RAPGEF4: variants seen among roughly 807,000 people sequenced by gnomAD.
The protein encoded by RAPGEF4 is Rap guanine nucleotide exchange factor 4.
A neutral mutation model predicts 147.9 loss-of-function variants in RAPGEF4; 66 were observed. The ratio of observed to expected loss-of-function variants is 0.45; its 90% confidence interval spans 0.37 to 0.55. The LOEUF (loss-of-function observed/expected upper bound fraction) is 0.55, where lower values mean the gene tolerates loss of function less well. RAPGEF4 is among the 20% of genes least tolerant of loss of function. RAPGEF4 has a pLI of 0.00. For synonymous variants in RAPGEF4, 419 were observed against 442.7 expected, an observed-to-expected ratio of 0.95 and a Z score of 0.67; for missense variants, 1,071 against 1,257.3, an observed-to-expected ratio of 0.85 and a Z score of 2.24.
intron 1 of RAPGEF4, among the ~76,000 whole-genome samples, chr2:172,752,980 A>G (rs1000214382): frequency 6.6e-6 from 1 of 152,320 alleles, no homozygotes; most frequent in East Asian, 1.9e-4. Flanking sequence ...TTAGAATTCA[A>G]CATTTAACAG....
chr2:172,934,573 A>C (rs1329747340), intron 6 of RAPGEF4, among the ~76,000 whole-genome samples: 2 of 152,278 alleles, frequency 1.3e-5, no homozygotes, highest in Middle Eastern at 6.8e-3. Context: ...AGAGCAAACC[A>C]CCTAATGGGG....
intron 4 of RAPGEF4, among the ~76,000 whole-genome samples, chr2:172,911,121 G>A (rs1446573351): frequency 1.3e-5 from 2 of 152,140 alleles, no homozygotes; most frequent in Non-Finnish European, 2.9e-5. Flanking sequence ...CTGTTATGGC[G>A]TCAACTCAAA....
Position 172,772,284 on chromosome 2 carries a change from A to G in RAPGEF4, c.66-22741A>G, listed in dbSNP as rs1683698662. ...AGAATAAAATGAATGTAGTTAAAAC[A>G]GAATAAAATGTTATTTTATGTTTTT... On this transcript the variant is annotated intron_variant, in intron 1 of 30. Coordinates refer to ENST00000397081, the MANE Select transcript of RAPGEF4 (RefSeq NM_007023.4). Among the ~76,000 whole-genome samples the G allele has an allele frequency of 5.9e-5, 9 of 152,102 alleles. No individual in the cohort carries two copies. The South Asian group carries it at 1.9e-3, about 32-fold the overall frequency.
intron 22 of RAPGEF4, among the ~76,000 whole-genome samples, chr2:173,019,552 A>G (rs952049229): frequency 7.9e-5 from 12 of 152,260 alleles, no homozygotes; most frequent in Non-Finnish European, 1.2e-4. Flanking sequence ...TCATTTCTCC[A>G]GTCATGATTT....
intron 4 of RAPGEF4, among the ~76,000 whole-genome samples, chr2:172,886,830 T>C (rs1223148831): frequency 6.6e-6 from 1 of 152,142 alleles, no homozygotes; most frequent in Non-Finnish European, 1.5e-5. Context: ...TTTTCCAGAC[T>C]CTTGCTTGTT....
chr2:172,993,076 CTAATAATGTTAT>C (rs1449622587), intron 15 of RAPGEF4, among the ~76,000 whole-genome samples: 2 of 152,100 alleles, frequency 1.3e-5, no homozygotes, highest in Non-Finnish European at 2.9e-5. Flanking sequence ...GTTGGTGCTG[CTAATAATGTTAT>C]TTTTCTGGTT....
intron 29 of RAPGEF4, among the ~76,000 whole-genome samples, chr2:173,044,412 C>G (rs1559208034): frequency 1.3e-5 from 2 of 152,232 alleles, no homozygotes; most frequent in Non-Finnish European, 2.9e-5. Context: ...TCTACCTCCA[C>G]TCTGCAACGC....
intron 6 of RAPGEF4, among the ~76,000 whole-genome samples, chr2:172,925,643 A>G (rs567755367): frequency 1.1e-3 from 174 of 151,892 alleles, no homozygotes; most frequent in African/African-American, 4.1e-3. Flanking sequence ...GCACACCTGT[A>G]GTCCCAGGAA....
intron 4 of RAPGEF4, among the ~76,000 whole-genome samples, chr2:172,844,040 G>A (rs1393297412): frequency 6.6e-6 from 1 of 152,214 alleles, no homozygotes; most frequent in Non-Finnish European, 1.5e-5. Flanking sequence ...TTACATAGAA[G>A]CAGTTTACAT....
chr2:173,028,730 G>A (rs1696898775), intron 25 of RAPGEF4, among the ~76,000 whole-genome samples: 1 of 115,940 alleles, frequency 8.6e-6, no homozygotes, highest in South Asian at 2.7e-4. Context: ...GAAGAAGACT[G>A]TAGACTTTTT....
At chr2:172,784,374 C>T (rs191595654) in intron 1 of RAPGEF4, among the ~76,000 whole-genome samples, 3 of 152,102 alleles carry the variant, frequency 2.0e-5, no homozygotes, top group South Asian at 2.1e-4. Context: ...AAAAATTAGC[C>T]GGGCATGGTG....
chr2:172,894,828 C>T (rs1018178660), intron 4 of RAPGEF4, among the ~76,000 whole-genome samples: 5 of 152,118 alleles, frequency 3.3e-5, no homozygotes, highest in African/African-American at 1.2e-4. Context: ...CTTCTAAAAA[C>T]ATTCATACTT....
chr2:172,952,664 G>A (rs1315149711), intron 6 of RAPGEF4, among the ~76,000 whole-genome samples: 1 of 152,130 alleles, frequency 6.6e-6, no homozygotes, highest in Non-Finnish European at 1.5e-5. Context: ...ATCTAAAAGA[G>A]AACCATTCTT....
intron 4 of RAPGEF4, among the ~76,000 whole-genome samples, chr2:172,875,993 T>G (rs1695871550): frequency 1.3e-5 from 2 of 152,308 alleles, no homozygotes; most frequent in Admixed American, 1.3e-4. Flanking sequence ...AGGTATTTTA[T>G]TCTCTTTGAA....
chr2:172,988,129 A>G (rs1692462538), intron 12 of RAPGEF4, 67 bp from the exon 13 acceptor site: 1 of 1,491,666 alleles, frequency 6.7e-7, no homozygotes, highest in South Asian at 1.4e-5. Context: ...TGATGATTTG[A>G]TAAGCTGTAA....
intron 6 of RAPGEF4, among the ~76,000 whole-genome samples, chr2:172,934,062 C>G (rs1686265448): frequency 6.6e-6 from 1 of 151,404 alleles, no homozygotes; most frequent in Admixed American, 6.6e-5. Context: ...TTTTTCTAGC[C>G]TAGTCACAAA....
chr2:172,965,417 C>T lies in RAPGEF4; in HGVS notation c.699-145C>T, dbSNP rs114876504. ...TTAGCATTTGAGAACCTGAAGCTAC[C>T]GCGTGTGGTGCTTTGTTTGCCATGA... is the stretch of plus-strand genomic sequence containing the variant. On this transcript the variant is annotated intron_variant, in intron 8 of 30. Coordinates refer to ENST00000397081, the MANE Select transcript of RAPGEF4 (RefSeq NM_007023.4). 1,967 of 892,872 alleles carry T rather than the reference C, an allele frequency of 2.2e-3. 22 individuals are homozygous for T. The African/African-American group carries it at 0.025, about 12-fold the overall frequency. 55.3% of individuals were successfully genotyped at this position (892,872 alleles called of 1,614,324 possible). A position where few individuals can be genotyped will look rare whatever the true frequency, so the allele number is the denominator to read the frequency against.
intron 1 of RAPGEF4, among the ~76,000 whole-genome samples, chr2:172,747,568 C>T (rs932398722): frequency 2.0e-5 from 3 of 152,156 alleles, no homozygotes; most frequent in East Asian, 1.9e-4. Flanking sequence ...CTGGCTCAAG[C>T]GATCCCTCTG....
At chr2:172,787,872 G>A (rs1300746092) in intron 1 of RAPGEF4, among the ~76,000 whole-genome samples, 1 of 152,060 alleles carries the variant, frequency 6.6e-6, no homozygotes, top group Non-Finnish European at 1.5e-5. Context: ...CTCCCACCTT[G>A]GCCTCCCAAA....
Sources: allele counts gnomAD v4.1 joint callset (sites outside exome capture counted in the v4.1 genomes callset), GRCh38; gene constraint gnomAD v4.1.1; transcripts MANE v1.5; gene names NCBI Gene and HGNC (gene_info 2026-07-23, HGNC 2026-07-21).